ANK3: variants seen among roughly 807,000 people sequenced by gnomAD.
ANK3 encodes the protein ankyrin 3, also known as ankyrin-3.
A neutral mutation model predicts 370.9 loss-of-function variants in ANK3; 57 were observed. That is an observed-to-expected ratio of 0.15 (90% confidence interval 0.12 to 0.19). The LOEUF is 0.19. Ranked by LOEUF, ANK3 falls within the 10% of genes least tolerant of loss-of-function variation. The pLI, the probability that ANK3 is intolerant of heterozygous loss-of-function variation, is 1.00. For missense variants in ANK3, 4,439 were observed against 5,302.1 expected (o/e 0.84, Z 5.06); for synonymous variants, 1,929 against 1,946.3 (o/e 0.99, Z 0.23).
At chr10:60,727,254 T>A (rs903509631) in intron 1 of ANK3, among the ~76,000 whole-genome samples, 3 of 152,208 alleles carry the variant, frequency 2.0e-5, no homozygotes, top group Non-Finnish European at 2.9e-5. Context: ...GGCATGTTAA[T>A]GCAATGAAAT....
intron 1 of ANK3, among the ~76,000 whole-genome samples, chr10:60,625,466 G>A (rs1186589923): frequency 6.6e-6 from 1 of 152,142 alleles, no homozygotes; most frequent in South Asian, 2.1e-4. Context: ...GAGGTCAGAA[G>A]AAGAACTAAT....
At chr10:60,272,951 G>A (rs1175535732) in intron 4 of ANK3, among the ~76,000 whole-genome samples, 1 of 152,170 alleles carries the variant, frequency 6.6e-6, no homozygotes, top group African/African-American at 2.4e-5. Context: ...TCTAGTGAGT[G>A]TCCACTGTTC....
chr10:60,728,605 G>A (rs1312190320), intron 1 of ANK3, among the ~76,000 whole-genome samples: 1 of 152,052 alleles, frequency 6.6e-6, no homozygotes. Flanking sequence ...TGTTATAGTT[G>A]GAATAAACCT....
At chr10:60,268,220 T>G (rs1418865471) in intron 5 of ANK3, among the ~76,000 whole-genome samples, 2 of 152,194 alleles carry the variant, frequency 1.3e-5, no homozygotes, top group Non-Finnish European at 2.9e-5. Context: ...CCTAACTAGC[T>G]TTAAGAATAC....
chr10:60,725,358 G>A (rs2079927272), intron 1 of ANK3, among the ~76,000 whole-genome samples: 1 of 152,074 alleles, frequency 6.6e-6, no homozygotes, highest in African/African-American at 2.4e-5. Context: ...AACAACCTTG[G>A]ACATGTCCTC....
chr10:60,647,492 T>A (rs975078721), intron 1 of ANK3, among the ~76,000 whole-genome samples: 3 of 152,026 alleles, frequency 2.0e-5, no homozygotes, highest in African/African-American at 7.2e-5. Context: ...ACTGGGACAG[T>A]AAAATATATT....
intron 7 of ANK3, among the ~76,000 whole-genome samples, chr10:60,237,760 G>A (rs1376278981): frequency 2.0e-5 from 3 of 152,078 alleles, no homozygotes; most frequent in Non-Finnish European, 4.4e-5. Context: ...CCTTCCTAGA[G>A]AAATACTTTA....
intron 1 of ANK3, among the ~76,000 whole-genome samples, chr10:60,284,824 T>C (rs1221725318): frequency 3.3e-5 from 5 of 151,962 alleles, no homozygotes; most frequent in Non-Finnish European, 7.4e-5. Context: ...CAGGAGCCTC[T>C]TTCTACTTGA....
chr10:60,719,866 T>C (rs2079839343), intron 1 of ANK3, among the ~76,000 whole-genome samples: 1 of 152,196 alleles, frequency 6.6e-6, no homozygotes, highest in Non-Finnish European at 1.5e-5. Flanking sequence ...AGTAAGCACA[T>C]TATGGCACTG....
chr10:60,420,151 C>T (rs2063748584), intron 2 of ANK3, among the ~76,000 whole-genome samples: 1 of 152,128 alleles, frequency 6.6e-6, no homozygotes, highest in Admixed American at 6.6e-5. Context: ...ATAGGGAAGA[C>T]CTAGTGAGCT....
intron 8 of ANK3, among the ~76,000 whole-genome samples, chr10:60,219,369 T>C (rs940227856): frequency 6.6e-6 from 1 of 152,150 alleles, no homozygotes; most frequent in African/African-American, 2.4e-5. Context: ...TTATTAGGTC[T>C]TTCATTTTTG....
intron 43 of ANK3, among the ~76,000 whole-genome samples, chr10:60,037,710 T>C (rs2075343704): frequency 6.6e-6 from 1 of 152,240 alleles, no homozygotes; most frequent in South Asian, 2.1e-4. Context: ...GGCATTTAGG[T>C]TGATTCCATT....
intron 1 of ANK3, among the ~76,000 whole-genome samples, chr10:60,633,991 TG>T (rs1322956240): frequency 6.6e-6 from 1 of 152,158 alleles, no homozygotes; most frequent in Non-Finnish European, 1.5e-5. Context: ...TCATGGAACT[TG>T]TGTAAACTCC....
intron 2 of ANK3, among the ~76,000 whole-genome samples, chr10:60,545,805 A>G (rs568165935): frequency 6.6e-6 from 1 of 152,194 alleles, no homozygotes; most frequent in Non-Finnish European, 1.5e-5. Context: ...GTATCACCTC[A>G]GTTTATATCA....
At chr10:60,242,398 C>G (rs1014441551) in intron 7 of ANK3, among the ~76,000 whole-genome samples, 1 of 152,068 alleles carries the variant, frequency 6.6e-6, no homozygotes, top group Non-Finnish European at 1.5e-5. Flanking sequence ...TCATCTAACT[C>G]CAAAAATAAA....
chr10:60,164,169 C>T (rs2095563000), intron 23 of ANK3, among the ~76,000 whole-genome samples: 1 of 152,114 alleles, frequency 6.6e-6, no homozygotes, highest in East Asian at 1.9e-4. Flanking sequence ...ATTTATGCAG[C>T]AGAGGACAAC....
At chr10:60,370,141 G>A (rs1346403109) in intron 1 of ANK3, among the ~76,000 whole-genome samples, 1 of 152,154 alleles carries the variant, frequency 6.6e-6, no homozygotes, top group African/African-American at 2.4e-5. Context: ...TTTCAGACAA[G>A]TGAAACCTAG....
intron 7 of ANK3, among the ~76,000 whole-genome samples, chr10:60,242,746 A>G (rs1314000806): frequency 6.6e-6 from 1 of 152,230 alleles, no homozygotes; most frequent in Non-Finnish European, 1.5e-5. Context: ...GTATTAAAAG[A>G]AGGACATTCA....
intron 18 of ANK3, among the ~76,000 whole-genome samples, chr10:60,176,259 G>A (rs1217712319): frequency 2.0e-5 from 3 of 150,554 alleles, no homozygotes; most frequent in African/African-American, 7.3e-5. Flanking sequence ...CAGCTACTCA[G>A]GAGGCTGAGG....
Sources: gnomAD v4.1 joint callset for allele counts (sites outside exome capture counted in the v4.1 genomes callset) on GRCh38, gnomAD v4.1.1 for gene constraint, MANE v1.5 for transcripts, NCBI Gene and HGNC (gene_info 2026-07-23, HGNC 2026-07-21) for gene names.